EDDM13: variants seen among roughly 807,000 people sequenced by gnomAD.
EDDM13 encodes epididymal protein 13.
Under a neutral mutation model 17.8 loss-of-function variants are expected in EDDM13, and 24 were observed. The ratio of observed to expected loss-of-function variants is 1.35; its 90% CI spans 0.98 to 1.90. The LOEUF is 1.90. Among genes scored for constraint, EDDM13 ranks in the 40% most tolerant of loss-of-function variants. The probability of loss-of-function intolerance (pLI) is 0.00; values close to 1 mark genes in which losing one functional copy is unlikely to be tolerated. For synonymous variants in EDDM13, 31 were observed against 37.5 expected, an observed-to-expected ratio of 0.83 and a Z score of 0.63; for missense variants, 97 against 100.8, an observed-to-expected ratio of 0.96 and a Z score of 0.16.
At chr19:56,295,370 G>C (rs1016900995) in intron 9 of EDDM13, among the ~76,000 whole-genome samples, 1 of 152,064 alleles carries the variant, frequency 6.6e-6, no homozygotes, top group Admixed American at 6.6e-5. Flanking sequence ...GATGCGGGCG[G>C]ATCACCTCAG....
At chr19:56,301,810 G>A in intron 12 of EDDM13, 158 bp from the exon 13 acceptor site, 8 of 737,176 alleles carry the variant, frequency 1.1e-5, no homozygotes, top group Non-Finnish European at 1.5e-5. Flanking sequence ...CAAGAAGGGG[G>A]AAGCTGGCAG....
intron 13 of EDDM13, among the ~76,000 whole-genome samples, chr19:56,302,593 TC>T (rs1568726720): frequency 7.1e-4 from 26 of 36,866 alleles, no homozygotes; most frequent in African/African-American, 5.0e-3. Context: ...CTTTTCTTCC[TC>T]TCCCTCTTCT....
At chr19:56,277,123 A>T (rs1458459895) in intron 2 of EDDM13, among the ~76,000 whole-genome samples, 1 of 152,186 alleles carries the variant, frequency 6.6e-6, no homozygotes, top group Non-Finnish European at 1.5e-5. Flanking sequence ...CTGCTTTGGA[A>T]AACAGTCTGG....
chr19:56,303,474 TTAAAG>T (rs2040480429), intron 13 of EDDM13, among the ~76,000 whole-genome samples: 4 of 133,898 alleles, frequency 3.0e-5, no homozygotes, highest in African/African-American at 8.5e-5. Flanking sequence ...TCTCAAAAAA[TTAAAG>T]TAAATAGAAA....
intron 8 of EDDM13, among the ~76,000 whole-genome samples, chr19:56,289,376 C>G (rs1256219596): frequency 1.3e-5 from 2 of 152,110 alleles, no homozygotes; most frequent in Admixed American, 6.6e-5. Flanking sequence ...GAGAAAGGGG[C>G]CAGGCCCTTT....
At position 56,285,696 on chromosome 19, in the gene EDDM13, G is replaced by C. The variant is rs554782232; in HGVS notation, c.154+672G>C. On this transcript the variant is annotated intron_variant, in intron 6 of 14. Coordinates refer to ENST00000649256, the MANE Select transcript of EDDM13 (RefSeq NM_001354658.2). ...GAATTTCACTATGTCGGCCAGGCTG[G>C]TCTCGAACTCCTGACCTCGTGATCC... Among the ~76,000 whole-genome samples the C allele has an allele frequency of 2.3e-4, 35 of 152,238 alleles. No individual in the cohort carries two copies. The South Asian group carries it at 7.0e-3, about 31-fold the overall frequency.
chr19:56,288,051 G>A (rs1376826073), intron 6 of EDDM13, among the ~76,000 whole-genome samples: 2 of 152,184 alleles, frequency 1.3e-5, no homozygotes, highest in African/African-American at 4.8e-5. Context: ...AGGAGATGGA[G>A]TGAGTTGCTG....
intron 8 of EDDM13, among the ~76,000 whole-genome samples, chr19:56,289,385 T>C (rs2039360112): frequency 6.6e-6 from 1 of 152,062 alleles, no homozygotes; most frequent in South Asian, 2.1e-4. Context: ...GCCAGGCCCT[T>C]TACAGAGGGG....
chr19:56,282,457 G>A (rs940779458), intron 3 of EDDM13, 34 bp from the exon 4 acceptor site: 122 of 984,760 alleles, frequency 1.2e-4, no homozygotes, highest in South Asian at 8.5e-4. Flanking sequence ...GGCTACCATC[G>A]GTCCTGTCCT....
At chr19:56,305,254 C>T (rs1454265437) in intron 14 of EDDM13, among the ~76,000 whole-genome samples, 3 of 150,484 alleles carry the variant, frequency 2.0e-5, no homozygotes, top group Non-Finnish European at 4.4e-5. Context: ...CGTCTCTTCC[C>T]CCTGTTCCTG....
intron 8 of EDDM13, among the ~76,000 whole-genome samples, chr19:56,289,437 C>T (rs1321010162): frequency 3.9e-5 from 6 of 152,252 alleles, no homozygotes; most frequent in Admixed American, 1.3e-4. Context: ...GCAGTCTCTT[C>T]GGAAGACAGA....
chr19:56,275,982 C>T (rs1184375418), intron 1 of EDDM13, among the ~76,000 whole-genome samples, 110 bp from the exon 2 acceptor site: 28 of 152,186 alleles, frequency 1.8e-4, no homozygotes, highest in Admixed American at 1.8e-3. Context: ...TCCAGGGACA[C>T]TTCTATCTCT....
At chr19:56,302,582 CCT>C (rs2040383110) in intron 13 of EDDM13, among the ~76,000 whole-genome samples, 1 of 34,384 alleles carries the variant, frequency 2.9e-5, no homozygotes, top group African/African-American at 3.1e-4. Flanking sequence ...TCTTCCTCCC[CCT>C]TTTCTTCCTC....
rs769885766 is a variant in EDDM13 at position 56,272,790 on chromosome 19, G to A, written c.-45G>A. 3.9e-5 allele frequency: 32 copies of A among 815,332 alleles called. No individual in the cohort carries two copies. Among genetic ancestry groups the A allele is most frequent in the Non-Finnish European group, 4.7e-5 (32 of 674,774 alleles). 50.5% of individuals were successfully genotyped at this position (815,332 alleles called of 1,614,324 possible). ...AGACGGTGGGTGACCAGAGAGTCCT[G>A]TCTATCCTAGGAGGAGAACATTCAG... is the stretch of plus-strand genomic sequence containing the variant. On this transcript the variant is annotated 5_prime_UTR_variant, in exon 1 of 15. Transcript: ENST00000649256.
intron 2 of EDDM13, among the ~76,000 whole-genome samples, chr19:56,276,564 C>A (rs886411801): frequency 1.4e-5 from 2 of 139,646 alleles, no homozygotes; most frequent in East Asian, 4.0e-4. Context: ...TTGAGACGAG[C>A]CTCGCTCTGT....
intron 14 of EDDM13, among the ~76,000 whole-genome samples, chr19:56,305,979 G>A (rs1458392778): frequency 2.0e-5 from 3 of 151,620 alleles, no homozygotes; most frequent in Non-Finnish European, 4.4e-5. Flanking sequence ...GCAGGAGAAG[G>A]GGGAGGGAGT....
In EDDM13 at chr19:56,277,866, T is replaced by C. The variant is rs532248143; in HGVS notation, c.103+1757T>C. Among the ~76,000 whole-genome samples, 5 of 152,280 alleles carry C rather than the reference T, an allele frequency of 3.3e-5. No homozygotes were observed. The East Asian group carries it at 5.8e-4, about 18-fold the overall frequency. On this transcript the variant is annotated intron_variant, in intron 2 of 14. Transcript: ENST00000649256. ...ACTTCACCACTGCACAATTCATCCA[T>C]GTCACCAAAAACCACTTGTACCCCT...
chr19:56,274,121 G>A (rs1457391412), intron 1 of EDDM13, among the ~76,000 whole-genome samples: 1 of 152,130 alleles, frequency 6.6e-6, no homozygotes, highest in Non-Finnish European at 1.5e-5. Context: ...ACATGTATTT[G>A]CAACTGGGGA....
chr19:56,283,584 A>G (rs1046983176), intron 4 of EDDM13: 2 of 152,180 alleles, frequency 1.3e-5, no homozygotes, highest in African/African-American at 4.8e-5. Context: ...AGCACTTTCC[A>G]CTAGCAAACC....
Sources: gnomAD v4.1 joint callset for allele counts (sites outside exome capture counted in the v4.1 genomes callset) on GRCh38, gnomAD v4.1.1 for gene constraint, MANE v1.5 for transcripts, NCBI Gene and HGNC (gene_info 2026-07-23, HGNC 2026-07-21) for gene names.